The following CNTN5 variants were observed in gnomAD, a reference collection of about 807,000 sequenced individuals.
CNTN5 encodes the protein contactin-5.
Under a neutral mutation model 129.1 loss-of-function variants are expected in CNTN5, and 77 were observed. The observed-to-expected ratio is 0.60, with a 90% CI of 0.50 to 0.72. CNTN5 has a LOEUF of 0.72. Among genes scored for constraint, CNTN5 ranks in the 30% least tolerant of loss-of-function variants. The pLI is 0.00. For missense variants in CNTN5, 1,478 were observed against 1,328.8 expected (o/e 1.11, Z -1.75); for synonymous variants, 509 against 465.6 (o/e 1.09, Z -1.20).
chr11:100,097,280 A>T (rs1945040995), intron 13 of CNTN5, among the ~76,000 whole-genome samples: 1 of 152,090 alleles, frequency 6.6e-6, no homozygotes, highest in Admixed American at 6.6e-5. Context: ...AATAAAACTG[A>T]GGATGAGAGT....
intron 2 of CNTN5, among the ~76,000 whole-genome samples, chr11:99,529,852 T>C (rs1947629125): frequency 6.6e-6 from 1 of 151,420 alleles, no homozygotes; most frequent in Non-Finnish European, 1.5e-5. Flanking sequence ...AAAGAAAAAA[T>C]ATGAGAATGA....
chr11:99,030,975 T>G (rs1863347887), intron 1 of CNTN5, among the ~76,000 whole-genome samples: 1 of 151,240 alleles, frequency 6.6e-6, no homozygotes, highest in Admixed American at 6.6e-5. Flanking sequence ...ATTTTTGTAT[T>G]TTTAGTAGAG....
intron 8 of CNTN5, among the ~76,000 whole-genome samples, chr11:99,978,418 C>A (rs576517627): frequency 6.6e-6 from 1 of 152,198 alleles, no homozygotes; most frequent in African/African-American, 2.4e-5. Flanking sequence ...GTGTCCTAGG[C>A]TTCACATCCG....
intron 3 of CNTN5, among the ~76,000 whole-genome samples, chr11:99,671,056 C>T (rs1018728003): frequency 2.0e-5 from 3 of 151,696 alleles, no homozygotes; most frequent in Admixed American, 6.6e-5. Context: ...CGTGTGCTTG[C>T]GCTTGCACGT....
chr11:99,707,229 G>A (rs932487264), intron 3 of CNTN5, among the ~76,000 whole-genome samples: 13 of 151,212 alleles, frequency 8.6e-5, no homozygotes, highest in Non-Finnish European at 1.9e-4. Flanking sequence ...GATTTCAAAT[G>A]CACTGGAGAA....
In CNTN5 at chr11:100,018,761, G is replaced by A. The variant is rs1723810123; in HGVS notation, c.980+16625G>A. On this transcript the variant is annotated intron_variant, in intron 9 of 24. Coordinates refer to ENST00000524871, the MANE Select transcript of CNTN5 (RefSeq NM_014361.4). The stretch of plus-strand genomic sequence containing the variant: ...AAATATTGCTAAACAATTTTTCAAA[G>A]TAGTTGTACTATTTTGCATTATTAT... 2.0e-5 allele frequency among the ~76,000 whole-genome samples: 3 copies of A among 151,978 alleles called. No individual in the cohort carries two copies. The South Asian group carries it at 6.2e-4, about 31-fold the overall frequency.
intron 1 of CNTN5, among the ~76,000 whole-genome samples, chr11:99,287,380 C>A (rs897594199): frequency 6.6e-6 from 1 of 151,992 alleles, no homozygotes; most frequent in Non-Finnish European, 1.5e-5. Context: ...GTAGCTTTAT[C>A]TGGAAAAAAA....
At chr11:99,428,069 T>C (rs1943209714) in intron 2 of CNTN5, among the ~76,000 whole-genome samples, 1 of 152,104 alleles carries the variant, frequency 6.6e-6, no homozygotes, top group Admixed American at 6.5e-5. Context: ...AAATAAACAG[T>C]CATTTTATTT....
chr11:99,639,528 A>G (rs1318594180), intron 3 of CNTN5, among the ~76,000 whole-genome samples: 1 of 145,552 alleles, frequency 6.9e-6, no homozygotes, highest in East Asian at 2.0e-4. Context: ...TTATAAAACA[A>G]TGTATTTAAC....
intron 16 of CNTN5, among the ~76,000 whole-genome samples, chr11:100,229,257 T>C (rs78420964): frequency 0.01 from 1,555 of 152,286 alleles, 21 homozygotes; most frequent in African/African-American, 0.035. Flanking sequence ...ATTTTGTTCG[T>C]TGTGTTGATG....
chr11:99,698,189 T>C (rs1159772485), intron 3 of CNTN5, among the ~76,000 whole-genome samples: 1 of 151,490 alleles, frequency 6.6e-6, no homozygotes, highest in Non-Finnish European at 1.5e-5. Context: ...TCAGTGTATT[T>C]TCTGTTTAAC....
At chr11:99,676,625 G>GTTTCA (rs1234880117) in intron 3 of CNTN5, among the ~76,000 whole-genome samples, 1 of 151,952 alleles carries the variant, frequency 6.6e-6, no homozygotes, top group Non-Finnish European at 1.5e-5. Context: ...ATGGATTTTC[G>GTTTCA]TTTCATAATT....
At chr11:99,452,665 G>A (rs1051421647) in intron 2 of CNTN5, among the ~76,000 whole-genome samples, 4 of 152,026 alleles carry the variant, frequency 2.6e-5, no homozygotes, top group Admixed American at 6.6e-5. Flanking sequence ...GAGCCACCGC[G>A]CCTGGCCTAG....
chr11:99,141,772 A>G (rs746786199), intron 1 of CNTN5, among the ~76,000 whole-genome samples: 10 of 152,204 alleles, frequency 6.6e-5, no homozygotes, highest in Non-Finnish European at 1.2e-4. Context: ...ATCCAGGAGC[A>G]GTTTGTTTAT....
intron 2 of CNTN5, among the ~76,000 whole-genome samples, chr11:99,359,199 C>A (rs563767164): frequency 6.6e-6 from 1 of 152,072 alleles, no homozygotes; most frequent in Non-Finnish European, 1.5e-5. Context: ...ATATTGATTA[C>A]ACAATATTTC....
At chr11:100,157,528 A>G (rs1434122508) in intron 13 of CNTN5, among the ~76,000 whole-genome samples, 1 of 151,734 alleles carries the variant, frequency 6.6e-6, no homozygotes, top group Non-Finnish European at 1.5e-5. Flanking sequence ...AAAAATCCCA[A>G]GTCTCAACAG....
intron 13 of CNTN5, among the ~76,000 whole-genome samples, chr11:100,088,163 A>G (rs1027224206): frequency 6.6e-6 from 1 of 152,026 alleles, no homozygotes; most frequent in African/African-American, 2.4e-5. Flanking sequence ...CATACATAAA[A>G]TCCTCAGAGA....
intron 1 of CNTN5, among the ~76,000 whole-genome samples, chr11:99,180,011 C>T (rs1256914927): frequency 1.3e-5 from 2 of 152,092 alleles, no homozygotes; most frequent in Non-Finnish European, 2.9e-5. Flanking sequence ...TATAGGTATC[C>T]TTACCTTTAA....
chr11:99,725,462 G>T (rs1162645586), intron 3 of CNTN5, among the ~76,000 whole-genome samples: 1 of 151,504 alleles, frequency 6.6e-6, no homozygotes, highest in Non-Finnish European at 1.5e-5. Flanking sequence ...TATATGCATT[G>T]TAGGCAAAGT....
Sources: gnomAD v4.1 joint callset for allele counts (sites outside exome capture counted in the v4.1 genomes callset) on GRCh38, gnomAD v4.1.1 for gene constraint, MANE v1.5 for transcripts, NCBI Gene and HGNC (gene_info 2026-07-23, HGNC 2026-07-21) for gene names.